The following STAG1 variants were observed in gnomAD, a reference collection of about 807,000 sequenced individuals.
STAG1 encodes the protein STAG1 cohesin complex component.
Under a neutral mutation model 170.9 loss-of-function variants are expected in STAG1, and 26 were observed. That is an observed-to-expected ratio of 0.15 (90% CI 0.11 to 0.21). The LOEUF is 0.21. Ranked by LOEUF, STAG1 falls within the 10% of genes least tolerant of loss-of-function variation. STAG1 has a pLI of 1.00. For missense variants in STAG1, 964 were observed against 1,509.5 expected (o/e 0.64, Z 5.99); for synonymous variants, 514 against 497.7 (o/e 1.03, Z -0.44).
chr3:136,685,576 C>T (rs1415131930), intron 1 of STAG1, among the ~76,000 whole-genome samples: 3 of 152,146 alleles, frequency 2.0e-5, no homozygotes, highest in African/African-American at 4.8e-5. Flanking sequence ...AGACGTCCTT[C>T]GGTAGGTGAA....
intron 1 of STAG1, among the ~76,000 whole-genome samples, chr3:136,653,521 T>C (rs1419452819): frequency 2.6e-5 from 4 of 152,212 alleles, no homozygotes; most frequent in Non-Finnish European, 4.4e-5. Context: ...ATAACATTTA[T>C]TGTGTGCCAG....
chr3:136,441,220 AC>A (rs2088621865), intron 15 of STAG1, among the ~76,000 whole-genome samples: 1 of 151,874 alleles, frequency 6.6e-6, no homozygotes, highest in African/African-American at 2.4e-5. Context: ...TTTAGTAGAG[AC>A]GGGGTTTTGC....
At chr3:136,641,767 A>G (rs907807521) in intron 1 of STAG1, among the ~76,000 whole-genome samples, 2 of 152,242 alleles carry the variant, frequency 1.3e-5, no homozygotes, top group Admixed American at 6.5e-5. Context: ...TAAGTTCTAC[A>G]TTTTAATTAA....
intron 7 of STAG1, among the ~76,000 whole-genome samples, chr3:136,504,034 G>C (rs910549337): frequency 2.0e-5 from 3 of 152,052 alleles, no homozygotes; most frequent in African/African-American, 7.2e-5. Context: ...ACCGCACCCG[G>C]CCTATTTTTT....
At chr3:136,378,677 T>G (rs1414830261) in intron 22 of STAG1, among the ~76,000 whole-genome samples, 1 of 152,164 alleles carries the variant, frequency 6.6e-6, no homozygotes, top group Non-Finnish European at 1.5e-5. Flanking sequence ...TAAAATATTT[T>G]AAATTTATCG....
At chr3:136,460,055 A>C (rs942317481) in intron 13 of STAG1, among the ~76,000 whole-genome samples, 18 of 152,208 alleles carry the variant, frequency 1.2e-4, no homozygotes, top group African/African-American at 4.3e-4. Context: ...AATTAAGACT[A>C]AATACAAAAG....
At chr3:136,649,099 C>A (rs1941128052) in intron 1 of STAG1, among the ~76,000 whole-genome samples, 1 of 152,174 alleles carries the variant, frequency 6.6e-6, no homozygotes, top group African/African-American at 2.4e-5. Context: ...ATCCCAAATA[C>A]CTTTATGGTT....
chr3:136,593,691 A>G (rs1938295045), intron 4 of STAG1, among the ~76,000 whole-genome samples: 1 of 152,218 alleles, frequency 6.6e-6, no homozygotes, highest in Non-Finnish European at 1.5e-5. Flanking sequence ...TCAGTTTTCC[A>G]ATTTTATCTT....
intron 1 of STAG1, among the ~76,000 whole-genome samples, chr3:136,722,638 C>T (rs1228323197): frequency 6.8e-6 from 1 of 147,458 alleles, no homozygotes; most frequent in Non-Finnish European, 1.5e-5. Flanking sequence ...CTCTCCCTCT[C>T]CCCCTCCCTC....
chr3:136,665,182 G>A (rs939859488), intron 1 of STAG1, among the ~76,000 whole-genome samples: 2 of 152,150 alleles, frequency 1.3e-5, no homozygotes, highest in African/African-American at 2.4e-5. Flanking sequence ...TTATTTAGAT[G>A]ATCTAGATGT....
intron 13 of STAG1, among the ~76,000 whole-genome samples, chr3:136,464,432 A>C (rs150677369): frequency 8.4e-5 from 12 of 143,614 alleles, no homozygotes; most frequent in African/African-American, 1.5e-4. Context: ...TCAAAAAAAA[A>C]CAAAAAAACA....
intron 21 of STAG1, among the ~76,000 whole-genome samples, chr3:136,404,081 T>C (rs2108350358): frequency 6.6e-6 from 1 of 152,310 alleles, no homozygotes; most frequent in Non-Finnish European, 1.5e-5. Context: ...CCAGCAATGT[T>C]ATCCTAACTT....
At chr3:136,390,786 T>A (rs1173184510) in intron 22 of STAG1, among the ~76,000 whole-genome samples, 1 of 152,234 alleles carries the variant, frequency 6.6e-6, no homozygotes, top group Non-Finnish European at 1.5e-5. Flanking sequence ...GGGCCAGGAC[T>A]CTAATGAGCT....
chr3:136,427,352 T>C (rs938947531), intron 16 of STAG1, among the ~76,000 whole-genome samples: 1 of 152,208 alleles, frequency 6.6e-6, no homozygotes, highest in African/African-American at 2.4e-5. Context: ...TATTGCCAAG[T>C]ATTCACTAAA....
At chr3:136,418,062 AT>A in intron 20 of STAG1, 90 bp from the exon 21 acceptor site, 1 of 1,036,398 alleles carries the variant, frequency 9.6e-7, no homozygotes, top group Non-Finnish European at 1.5e-6. Context: ...GAATAAAATA[AT>A]TTCATTTCGG....
At chr3:136,553,117 C>A (rs578022029) in intron 5 of STAG1, among the ~76,000 whole-genome samples, 1 of 152,102 alleles carries the variant, frequency 6.6e-6, no homozygotes, top group East Asian at 1.9e-4. Context: ...TTTGAATATC[C>A]ACAGGGGAAC....
At chr3:136,487,901 A>G (rs2090048602) in intron 9 of STAG1, among the ~76,000 whole-genome samples, 1 of 152,212 alleles carries the variant, frequency 6.6e-6, no homozygotes, top group Admixed American at 6.5e-5. Context: ...TGTCTTGATG[A>G]CATTCAAGGT....
intron 2 of STAG1, among the ~76,000 whole-genome samples, chr3:136,628,055 T>A (rs774116181): frequency 1.4e-4 from 22 of 152,264 alleles, no homozygotes; most frequent in East Asian, 7.7e-4. Context: ...CGAACTGTAA[T>A]CCCCACCTGT....
chr3:136,623,816 A>T (rs1315756960), intron 2 of STAG1, among the ~76,000 whole-genome samples: 1 of 151,940 alleles, frequency 6.6e-6, no homozygotes, highest in African/African-American at 2.4e-5. Flanking sequence ...TCAGCCGGGC[A>T]TGGTGGCGCA....
Sources: gnomAD v4.1 joint callset for allele counts (sites outside exome capture counted in the v4.1 genomes callset) on GRCh38, gnomAD v4.1.1 for gene constraint, MANE v1.5 for transcripts, NCBI Gene and HGNC (gene_info 2026-07-23, HGNC 2026-07-21) for gene names.